ASB3: variants seen among roughly 807,000 people sequenced by gnomAD.
ASB3 encodes the protein ankyrin repeat and SOCS box containing 3.
In ASB3, 41 loss-of-function variants were observed where a neutral mutation model predicts 54.5. The ratio of observed to expected loss-of-function variants is 0.75; its 90% CI spans 0.59 to 0.98. The LOEUF is 0.98. Ranked by LOEUF, ASB3 falls within the 50% of genes least tolerant of loss-of-function variation. The probability of loss-of-function intolerance (pLI) is 0.00; values close to 1 mark genes in which losing one functional copy is unlikely to be tolerated. For missense variants in ASB3, 733 were observed against 620.0 expected (o/e 1.18, Z -1.94); for synonymous variants, 266 against 221.2 (o/e 1.20, Z -1.80).
At chr2:53,746,165 G>A (rs114386076) in intron 3 of ASB3, among the ~76,000 whole-genome samples, 12 of 152,024 alleles carry the variant, frequency 7.9e-5, no homozygotes, top group Admixed American at 3.3e-4. Flanking sequence ...GTGTGGTGGC[G>A]GTGCTTGTGG....
chr2:53,679,781 G>T lies in ASB3; in HGVS notation c.1370-9091C>A, dbSNP rs138139660. Among the ~76,000 whole-genome samples, 278 of 152,168 alleles carry T rather than the reference G, an allele frequency of 1.8e-3. 1 individual carries two copies. The highest frequency in any genetic ancestry group is 6.3e-3 in the African/African-American group (260 of 41,510). Reference sequence around the variant, plus strand: ...AATTTTTAAGTTCAGGGGTACATGTGTAAGTTCATTACGTAGATAAACTTG... The same window carrying T: ...AATTTTTAAGTTCAGGGGTACATGTTTAAGTTCATTACGTAGATAAACTTG... On this transcript the variant is annotated intron_variant, in intron 9 of 9. Transcript: ENST00000263634.
intron 5 of ASB3, among the ~76,000 whole-genome samples, chr2:53,722,046 C>T (rs1230040906): frequency 6.6e-6 from 1 of 152,052 alleles, no homozygotes; most frequent in Non-Finnish European, 1.5e-5. Flanking sequence ...TCCTCTGAGA[C>T]TATTACGAAC....
intron 7 of ASB3, among the ~76,000 whole-genome samples, chr2:53,708,313 T>C (rs1000934949): frequency 2.6e-5 from 4 of 152,202 alleles, no homozygotes; most frequent in East Asian, 1.9e-4. Flanking sequence ...CCTTCTGCCA[T>C]GATTATGTTT....
At chr2:53,731,084 A>G (rs538277039) in intron 3 of ASB3, among the ~76,000 whole-genome samples, 1 of 152,196 alleles carries the variant, frequency 6.6e-6, no homozygotes, top group African/African-American at 2.4e-5. Context: ...TATTTCCCCT[A>G]TAAGACACTC....
intron 1 of ASB3, among the ~76,000 whole-genome samples, chr2:53,786,109 T>C (rs1349459710): frequency 6.6e-6 from 1 of 152,162 alleles, no homozygotes; most frequent in Non-Finnish European, 1.5e-5. Context: ...GTAATTTCTC[T>C]AAAGCCAACA....
intron 1 of ASB3, among the ~76,000 whole-genome samples, chr2:53,782,062 T>C (rs1674678599): frequency 6.6e-6 from 1 of 152,236 alleles, no homozygotes; most frequent in Middle Eastern, 3.4e-3. Flanking sequence ...TAGTCCCAGC[T>C]ACTCAGGAGG....
At chr2:53,686,177 G>T (rs1422728723) in intron 9 of ASB3, among the ~76,000 whole-genome samples, 1 of 152,172 alleles carries the variant, frequency 6.6e-6, no homozygotes, top group Non-Finnish European at 1.5e-5. Flanking sequence ...AGAACCAACA[G>T]GAAACTTGGG....
At chr2:53,683,806 T>A (rs1226217865) in intron 9 of ASB3, among the ~76,000 whole-genome samples, 2 of 152,162 alleles carry the variant, frequency 1.3e-5, no homozygotes, top group Non-Finnish European at 2.9e-5. Flanking sequence ...GTATCGGTTA[T>A]AATGTCTTCT....
At chr2:53,674,541 A>T (rs1667979560) in intron 9 of ASB3, among the ~76,000 whole-genome samples, 1 of 152,194 alleles carries the variant, frequency 6.6e-6, no homozygotes, top group Non-Finnish European at 1.5e-5. Flanking sequence ...TGCCAACTTT[A>T]CTATAGCACA....
At chr2:53,682,697 G>A (rs370099419) in intron 9 of ASB3, among the ~76,000 whole-genome samples, 61 of 152,106 alleles carry the variant, frequency 4.0e-4, no homozygotes, top group Admixed American at 1.2e-3. Context: ...GGCTGGTCTC[G>A]AACTCCTGAC....
At chr2:53,774,306 A>G (rs1164398371) in intron 1 of ASB3, 1 of 1,613,422 alleles carries the variant, frequency 6.2e-7, no homozygotes, top group Non-Finnish European at 8.5e-7. Context: ...ATATTGGAAC[A>G]TGTGATAATC....
intron 5 of ASB3, among the ~76,000 whole-genome samples, chr2:53,717,764 C>T (rs377735598): frequency 1.1e-4 from 17 of 151,996 alleles, no homozygotes; most frequent in Non-Finnish European, 2.4e-4. Context: ...AAGATCCAGA[C>T]AAGGTTGAAA....
intron 9 of ASB3, 130 bp downstream of exon 9, chr2:53,693,754 C>T (rs1002369323): frequency 1.8e-5 from 24 of 1,313,000 alleles, no homozygotes; most frequent in Non-Finnish European, 2.2e-5. Context: ...ATCTTTTCCT[C>T]ACATAAGAAA....
At chr2:53,699,524 G>A (rs571793900) in intron 8 of ASB3, among the ~76,000 whole-genome samples, 62 of 152,272 alleles carry the variant, frequency 4.1e-4, no homozygotes, top group South Asian at 3.9e-3. Flanking sequence ...GACATCACAC[G>A]GGGTAAGAAT....
At chr2:53,738,805 T>TA (rs1491309413) in intron 3 of ASB3, among the ~76,000 whole-genome samples, 15 of 152,120 alleles carry the variant, frequency 9.9e-5, no homozygotes, top group Non-Finnish European at 1.6e-4. Flanking sequence ...TATCTGGTAT[T>TA]AAAAAATGGT....
In ASB3 at chr2:53,746,687, C is replaced by G. The variant is rs62137604; in HGVS notation, c.355+4096G>C. ...TAGAAACGAGGTTTCACCATGTTAGCCAGGCTGGTCTCGAACCCCTGACCT... is the reference window on the plus strand; with the variant it reads ...TAGAAACGAGGTTTCACCATGTTAGGCAGGCTGGTCTCGAACCCCTGACCT... On this transcript the variant is annotated intron_variant, in intron 3 of 9. Coordinates refer to ENST00000263634, the MANE Select transcript of ASB3 (RefSeq NM_016115.5). 5.2e-3 allele frequency among the ~76,000 whole-genome samples: 794 copies of G among 152,124 alleles called. 4 individuals are homozygous for G. The highest frequency in any genetic ancestry group is 0.022 in the South Asian group (105 of 4,814).
intron 2 of ASB3, chr2:53,763,563 C>T (rs573465049): frequency 5.9e-6 from 1 of 169,218 alleles, no homozygotes; most frequent in Non-Finnish European, 1.5e-5. Flanking sequence ...TTTTGGTGTC[C>T]GTGGACATTT....
At chr2:53,777,791 T>G (rs764808493) in intron 1 of ASB3, among the ~76,000 whole-genome samples, 1 of 152,216 alleles carries the variant, frequency 6.6e-6, no homozygotes, top group Admixed American at 6.5e-5. Context: ...AATGTGTTTG[T>G]GCCTTTTTAT....
At chr2:53,733,323 T>C (rs1345891764) in intron 3 of ASB3, among the ~76,000 whole-genome samples, 1 of 152,262 alleles carries the variant, frequency 6.6e-6, no homozygotes, top group African/African-American at 2.4e-5. Flanking sequence ...TTTTATATTA[T>C]ATTCTGTGTA....
Sources: allele counts gnomAD v4.1 joint callset (sites outside exome capture counted in the v4.1 genomes callset), GRCh38; gene constraint gnomAD v4.1.1; transcripts MANE v1.5; gene names NCBI Gene and HGNC (gene_info 2026-07-23, HGNC 2026-07-21).